The following INPP5A variants were observed in gnomAD, a reference collection of about 807,000 sequenced individuals.
INPP5A encodes inositol polyphosphate-5-phosphatase A.
INPP5A carries 14 observed loss-of-function variants against 65.2 expected under a neutral mutation model. The observed-to-expected ratio is 0.21, with a 90% CI of 0.14 to 0.34. The LOEUF is 0.34. Ranked by LOEUF, INPP5A falls within the 10% of genes least tolerant of loss-of-function variation. INPP5A has a pLI of 1.00. For synonymous variants in INPP5A, 207 were observed against 208.3 expected (o/e 0.99, Z 0.05); for missense variants, 431 against 545.6 (o/e 0.79, Z 2.09).
chr10:132,716,546 C>T lies in INPP5A; in HGVS notation c.647+6090C>T, dbSNP rs1409196161. 2.6e-5 allele frequency among the ~76,000 whole-genome samples: 4 copies of T among 152,166 alleles called. 1 individual carries two copies. Among genetic ancestry groups the T allele is most frequent in the Admixed American group, 2.0e-4 (3 of 15,276 alleles). ...GGAGAGCGTTTGGGTGGTTCCCGGC[C>T]CTTTGGTGGCAGACAGGACGATGCC... On this transcript the variant is annotated intron_variant, in intron 8 of 15. Coordinates refer to ENST00000368594, the MANE Select transcript of INPP5A (RefSeq NM_005539.5).
intron 1 of INPP5A, among the ~76,000 whole-genome samples, chr10:132,566,549 T>A (rs2071277212): frequency 1.3e-5 from 2 of 152,254 alleles, no homozygotes; most frequent in African/African-American, 2.4e-5. Context: ...GATAAGTTCA[T>A]GTTCCAAAAG....
intron 1 of INPP5A, among the ~76,000 whole-genome samples, chr10:132,597,795 G>A (rs890541225): frequency 6.6e-6 from 1 of 151,152 alleles, no homozygotes; most frequent in Non-Finnish European, 1.5e-5. Flanking sequence ...GTGTTCCGGG[G>A]CTGTGCTACG....
At chr10:132,672,509 C>T (rs2072903863) in intron 4 of INPP5A, among the ~76,000 whole-genome samples, 1 of 152,170 alleles carries the variant, frequency 6.6e-6, no homozygotes, top group Non-Finnish European at 1.5e-5. Flanking sequence ...AGTTTCCCTG[C>T]ACAAGCTCTT....
At chr10:132,682,340 C>T (rs747168956) in intron 4 of INPP5A, among the ~76,000 whole-genome samples, 2 of 152,174 alleles carry the variant, frequency 1.3e-5, no homozygotes, top group Non-Finnish European at 2.9e-5. Context: ...GTTCGTTAGG[C>T]GCGGACTGCG....
chr10:132,608,640 A>G (rs906741397), intron 2 of INPP5A, among the ~76,000 whole-genome samples: 14 of 152,098 alleles, frequency 9.2e-5, no homozygotes, highest in Admixed American at 8.5e-4. Context: ...CAGGCAGGCG[A>G]GGAGGGCAAC....
rs1590821261 is a variant in INPP5A at position 132,549,669 on chromosome 10, C to G, written c.75+11498C>G. Among the ~76,000 whole-genome samples, 1 of 152,178 alleles carries G rather than the reference C, an allele frequency of 6.6e-6. No individual in the cohort carries two copies. The highest frequency in any genetic ancestry group is 1.9e-4 in the East Asian group (1 of 5,178). The stretch of plus-strand genomic sequence containing the variant: ...AAGCAGGAGCAGACAGGTGCGTGTC[C>G]TGGAGCTCTGCAGCTGCAGGGCGGG... On this transcript the variant is annotated intron_variant, in intron 1 of 15. Transcript: ENST00000368594. The surrounding 1 kb of genome is among the most constrained non-coding windows in gnomAD (Gnocchi z 4.9).
rs1284171611 is a variant in INPP5A at position 132,651,116 on chromosome 10, C to T, written c.306+611C>T. Among the ~76,000 whole-genome samples the T allele has an allele frequency of 6.6e-6, 1 of 152,164 alleles. No individual in the cohort carries two copies. Among genetic ancestry groups the T allele is most frequent in the Admixed American group, 6.5e-5 (1 of 15,290 alleles). On this transcript the variant is annotated intron_variant, in intron 4 of 15. Coordinates refer to ENST00000368594, the MANE Select transcript of INPP5A (RefSeq NM_005539.5). The surrounding 1 kb of genome is among the most constrained non-coding windows in gnomAD (Gnocchi z 5.0). ...CCACAGAGATACAGGCACCAGGTGT[C>T]TGGGAAGGGGCAGGAAGCTCCTCAG...
intron 11 of INPP5A, among the ~76,000 whole-genome samples, chr10:132,760,197 A>C (rs1013343884): frequency 6.6e-6 from 1 of 152,232 alleles, no homozygotes; most frequent in Non-Finnish European, 1.5e-5. Flanking sequence ...CAGCCCCAGC[A>C]GCCCCAGGCC....
At chr10:132,572,067 G>A (rs1329420991) in intron 1 of INPP5A, among the ~76,000 whole-genome samples, 3 of 152,222 alleles carry the variant, frequency 2.0e-5, no homozygotes, top group Non-Finnish European at 4.4e-5. Context: ...GAGCCCTCTT[G>A]GGACTTACAC....
chr10:132,606,796 C>A (rs752481987), intron 1 of INPP5A, among the ~76,000 whole-genome samples: 4 of 152,188 alleles, frequency 2.6e-5, no homozygotes, highest in Admixed American at 6.5e-5. Context: ...GCTTTAGTCC[C>A]GATGGGAGCG....
At chr10:132,574,606 T>A (rs971122691) in intron 1 of INPP5A, among the ~76,000 whole-genome samples, 1 of 148,366 alleles carries the variant, frequency 6.7e-6, no homozygotes, top group South Asian at 2.1e-4. Context: ...TTTTCTCTTT[T>A]TTTTCTTTTT....
At chr10:132,759,926 T>G (rs576491445) in intron 11 of INPP5A, among the ~76,000 whole-genome samples, 102 of 152,228 alleles carry the variant, frequency 6.7e-4, no homozygotes, top group African/African-American at 2.3e-3. Flanking sequence ...TTCACCAGGC[T>G]GGGGACACTC....
intron 4 of INPP5A, among the ~76,000 whole-genome samples, chr10:132,673,542 C>G (rs2072922785): frequency 6.6e-6 from 1 of 152,176 alleles, no homozygotes; most frequent in South Asian, 2.1e-4. Context: ...TTCTGTCAAC[C>G]CAGCTGCTTC....
At chr10:132,632,998 G>T (rs1009566731) in intron 2 of INPP5A, among the ~76,000 whole-genome samples, 13 of 152,166 alleles carry the variant, frequency 8.5e-5, no homozygotes, top group African/African-American at 2.9e-4. Flanking sequence ...GAGAGCTTTC[G>T]AGCACACCAC....
At chr10:132,613,931 T>C (rs2071994291) in intron 2 of INPP5A, among the ~76,000 whole-genome samples, 1 of 152,368 alleles carries the variant, frequency 6.6e-6, no homozygotes, top group Non-Finnish European at 1.5e-5. Context: ...AAAATAGCCT[T>C]GAAGAAGTGG....
At chr10:132,740,363 C>T (rs1011954745) in intron 9 of INPP5A, among the ~76,000 whole-genome samples, 2 of 152,154 alleles carry the variant, frequency 1.3e-5, no homozygotes, top group African/African-American at 4.8e-5. Context: ...AGGGCAGGAG[C>T]GGTGGGAGCC....
chr10:132,569,096 A>T (rs1207536032), intron 1 of INPP5A, among the ~76,000 whole-genome samples: 1 of 151,716 alleles, frequency 6.6e-6, no homozygotes, highest in Non-Finnish European at 1.5e-5. Flanking sequence ...TTGTATTTTT[A>T]GTAGAGACAG....
At position 132,782,353 on chromosome 10, in the gene INPP5A, T is replaced by C. The variant is rs1279227369; in HGVS notation, c.*324T>C. The C allele has an allele frequency of 3.0e-6, 1 of 332,448 alleles. No individual in the cohort carries two copies. Among genetic ancestry groups the C allele is most frequent in the Non-Finnish European group, 5.8e-6 (1 of 171,894 alleles). The allele number at this position is 332,448 out of a possible 1,614,324, so 20.6% of individuals were successfully genotyped here. ...AGACTTCACAGTTTTCAGTTTTTAA[T>C]GATTGCCAGTGGAGGGGCTTCTTCA... On this transcript the variant is annotated 3_prime_UTR_variant, in exon 16 of 16. Transcript: ENST00000368594. This position sits in a 1 kb window ranked among gnomAD's most constrained non-coding sequence, Gnocchi z 4.4.
chr10:132,709,940 C>T (rs1845605597), intron 7 of INPP5A, among the ~76,000 whole-genome samples: 1 of 152,204 alleles, frequency 6.6e-6, no homozygotes, highest in African/African-American at 2.4e-5. Flanking sequence ...CTTGCCTGTC[C>T]CTGTGCCCCC....
Sources: allele counts gnomAD v4.1 joint callset (sites outside exome capture counted in the v4.1 genomes callset), GRCh38; gene constraint gnomAD v4.1.1; non-coding constraint Gnocchi (gnomAD v3.1); transcripts MANE v1.5; gene names NCBI Gene and HGNC (gene_info 2026-07-23, HGNC 2026-07-21).